TNFRSF10B: variants seen among roughly 807,000 people sequenced by gnomAD.
The protein encoded by TNFRSF10B is TNF receptor superfamily member 10b.
A neutral mutation model predicts 41.4 loss-of-function variants in TNFRSF10B; 35 were observed. The observed-to-expected ratio is 0.85, with a 90% confidence interval of 0.65 to 1.12. The LOEUF (loss-of-function observed/expected upper bound fraction) is 1.12, where lower values mean the gene tolerates loss of function less well. Among genes scored for constraint, TNFRSF10B ranks in the 50% most tolerant of loss-of-function variants. TNFRSF10B has a pLI of 0.00. For synonymous variants in TNFRSF10B, 230 were observed against 215.5 expected (o/e 1.07, Z -0.59); for missense variants, 584 against 552.7 (o/e 1.06, Z -0.57).
intron 1 of TNFRSF10B, among the ~76,000 whole-genome samples, chr8:23,045,748 T>C (rs1812339280): frequency 6.6e-6 from 1 of 152,158 alleles, no homozygotes; most frequent in South Asian, 2.1e-4. Context: ...CATGATAAAA[T>C]GGAATTTGTT....
At chr8:23,031,948 G>A (rs1453263214) in intron 2 of TNFRSF10B, among the ~76,000 whole-genome samples, 1 of 136,258 alleles carries the variant, frequency 7.3e-6, no homozygotes, top group Non-Finnish European at 1.5e-5. Context: ...GTCTTGCTCT[G>A]TTGCCCAGGC....
intron 2 of TNFRSF10B, among the ~76,000 whole-genome samples, chr8:23,037,252 T>C (rs12541497): frequency 0.31 from 47,311 of 151,890 alleles, 7,544 homozygotes; most frequent in East Asian, 0.36. Flanking sequence ...ATGGAGGTTA[T>C]GTATGGGCTT....
At chr8:23,035,348 G>A (rs1432297649) in intron 2 of TNFRSF10B, among the ~76,000 whole-genome samples, 1 of 151,952 alleles carries the variant, frequency 6.6e-6, no homozygotes, top group East Asian at 1.9e-4. Flanking sequence ...CACCATGTTG[G>A]CCAGGCTGGT....
At chr8:23,063,505 A>G (rs1812893010) in intron 1 of TNFRSF10B, among the ~76,000 whole-genome samples, 1 of 152,022 alleles carries the variant, frequency 6.6e-6, no homozygotes, top group Non-Finnish European at 1.5e-5. Flanking sequence ...ATTTATGCCC[A>G]TTTACTCTTT....
intron 2 of TNFRSF10B, among the ~76,000 whole-genome samples, chr8:23,036,904 G>C (rs909780198): frequency 6.6e-6 from 1 of 152,190 alleles, no homozygotes; most frequent in African/African-American, 2.4e-5. Flanking sequence ...TGTTCATTTT[G>C]CTTGAGGGAA....
intron 4 of TNFRSF10B, 115 bp from the exon 5 acceptor site, chr8:23,028,717 C>A (rs10092564): frequency 3.0e-6 from 4 of 1,329,208 alleles, no homozygotes; most frequent in Middle Eastern, 2.6e-4. Context: ...AGGGGAAGGA[C>A]AGTCTCCTCG....
rs190340015 is a variant in TNFRSF10B, at chr8:23,020,138, A to C, written c.*2533T>G. The stretch of plus-strand genomic sequence containing the variant: ...GGAGACAAAAACCACACCTCTTTTT[A>C]TATAAGGTTTCATATTTAATTTGGT... On this transcript the variant is annotated 3_prime_UTR_variant, in exon 9 of 9. Coordinates refer to ENST00000276431, the MANE Select transcript of TNFRSF10B (RefSeq NM_003842.5). 2.6e-6 allele frequency: 1 copy of C among 386,934 alleles called. No homozygotes were observed. The highest frequency in any genetic ancestry group is 2.1e-5 in the African/African-American group (1 of 47,678). 24.0% of individuals were successfully genotyped at this position (386,934 alleles called of 1,614,324 possible). A position where few individuals can be genotyped will look rare whatever the true frequency, so the allele number is the denominator to read the frequency against.
Position 23,028,342 on chromosome 8 carries a change from C to A in TNFRSF10B, c.737G>T (p.Gly246Val), listed in dbSNP as rs779594561. ...LWKKVLPYLK[G>V]ICSGGGGDPE... ...CAGCCAGCACCTACCTGAGCAGATG[C>A]CTTTCAGGTAAGGAAGGACTTTCTT... Residue 246 changes from glycine (G) to valine (V), a missense_variant, in exon 5 of 9, where the codon GGC becomes GTC. Physicochemically the swap from Gly to Val is moderately radical, Grantham distance 109 (BLOSUM62 -3). Transcript: ENST00000276431. 6.2e-6 allele frequency: 10 copies of A among 1,614,100 alleles called. No homozygotes were observed. The highest frequency in any genetic ancestry group is 8.5e-6 in the Non-Finnish European group (10 of 1,180,006).
At chr8:23,042,647 C>T (rs1232469604) in intron 2 of TNFRSF10B, among the ~76,000 whole-genome samples, 1 of 152,200 alleles carries the variant, frequency 6.6e-6, no homozygotes, top group African/African-American at 2.4e-5. Context: ...TTCTCAGGGA[C>T]ATCCATCACT....
At chr8:23,032,698 T>C (rs899897494) in intron 2 of TNFRSF10B, among the ~76,000 whole-genome samples, 4 of 152,376 alleles carry the variant, frequency 2.6e-5, no homozygotes, top group Admixed American at 2.6e-4. Flanking sequence ...CAATGTTTGA[T>C]AGTTTTCAGC....
intron 1 of TNFRSF10B, among the ~76,000 whole-genome samples, chr8:23,052,905 T>A (rs1340194637): frequency 6.6e-6 from 1 of 152,204 alleles, no homozygotes; most frequent in African/African-American, 2.4e-5. Context: ...TGCAAAAAGT[T>A]TTAAAGAAAA....
intron 2 of TNFRSF10B, among the ~76,000 whole-genome samples, chr8:23,037,730 T>C (rs570179013): frequency 1.4e-4 from 21 of 152,254 alleles, no homozygotes; most frequent in South Asian, 6.2e-4. Flanking sequence ...ATTTACAATG[T>C]CAGCTGGGTG....
At chr8:23,033,775 C>T (rs755653903) in intron 2 of TNFRSF10B, among the ~76,000 whole-genome samples, 6 of 151,954 alleles carry the variant, frequency 3.9e-5, no homozygotes, top group Non-Finnish European at 7.4e-5. Context: ...TGTGCATTTG[C>T]GTAACCTCTT....
At chr8:23,041,492 A>C (rs1812200577) in intron 2 of TNFRSF10B, among the ~76,000 whole-genome samples, 1 of 151,936 alleles carries the variant, frequency 6.6e-6, no homozygotes, top group African/African-American at 2.4e-5. Context: ...TGATCCTGCC[A>C]CCGCACTCCA....
intron 1 of TNFRSF10B, among the ~76,000 whole-genome samples, chr8:23,056,021 C>A (rs1812654907): frequency 6.6e-6 from 1 of 152,150 alleles, no homozygotes; most frequent in South Asian, 2.1e-4. Context: ...AAAACTCTTT[C>A]TTCCCAGTTC....
Position 23,040,341 on chromosome 8 carries a change from TTAAATATATACAAAATATATATTTAA to T in TNFRSF10B, c.250+2771_250+2796del, listed in dbSNP as rs1563314027. Among the ~76,000 whole-genome samples, 42 of 51,674 alleles carry T rather than the reference TTAAATATATACAAAATATATATTTAA, an allele frequency of 8.1e-4. 4 individuals are homozygous for T. The highest frequency in any genetic ancestry group is 1.7e-3 in the East Asian group (2 of 1,146). 33.9% of individuals were successfully genotyped at this position (51,674 alleles called of 152,430 possible). ...AATATATATACAAAATATATATTTATTAAATATATACAAAATATATATTTAATAAATATATATACAAAATATATATT... is the reference window on the plus strand; with the variant it reads ...AATATATATACAAAATATATATTTATTAAATATATATACAAAATATATATT... On this transcript the variant is annotated intron_variant, in intron 2 of 8. Coordinates refer to ENST00000276431, the MANE Select transcript of TNFRSF10B (RefSeq NM_003842.5).
At chr8:23,053,238 C>T (rs1229614636) in intron 1 of TNFRSF10B, among the ~76,000 whole-genome samples, 1 of 152,186 alleles carries the variant, frequency 6.6e-6, no homozygotes, top group Admixed American at 6.5e-5. Context: ...GCATTTCTGT[C>T]TAGGTCGTAG....
rs533428694 is a variant in TNFRSF10B at position 23,065,924 on chromosome 8, G to T, written c.144+2827C>A. On this transcript the variant is annotated intron_variant, in intron 1 of 8. Coordinates refer to ENST00000276431, the MANE Select transcript of TNFRSF10B (RefSeq NM_003842.5). ...TTGATAGATTAAATAACTTAAAACA[G>T]GTCATCTAAAGCTTACAAATATACT... Among the ~76,000 whole-genome samples, 3 of 152,088 alleles carry T rather than the reference G, an allele frequency of 2.0e-5. No individual in the cohort carries two copies. In the East Asian group the frequency reaches 5.8e-4, roughly 29 times the overall value.
At chr8:23,043,282 A>G in intron 1 of TNFRSF10B, 39 bp from the exon 2 acceptor site, 1 of 1,540,864 alleles carries the variant, frequency 6.5e-7, no homozygotes, top group Admixed American at 1.7e-5. Flanking sequence ...AGTGGCTTCC[A>G]GACCTCACCC....
Sources: gnomAD v4.1 joint callset for allele counts (sites outside exome capture counted in the v4.1 genomes callset) on GRCh38, gnomAD v4.1.1 for gene constraint, MANE v1.5 for transcripts, NCBI Gene and HGNC (gene_info 2026-07-23, HGNC 2026-07-21) for gene names.